Variants in HHLA2 observed in about 807,000 individuals in gnomAD.
HHLA2 encodes the protein HERV-H LTR-associating protein 2.
HHLA2 carries 48 observed loss-of-function variants against 45.9 expected under a neutral mutation model. The ratio of observed to expected loss-of-function variants is 1.05; its 90% CI spans 0.83 to 1.33. The LOEUF is 1.33. Ranked by LOEUF, HHLA2 falls within the 40% of genes most tolerant of loss-of-function variation. The pLI is 0.00. For synonymous variants in HHLA2, 161 were observed against 173.9 expected (o/e 0.93, Z 0.59); for missense variants, 462 against 494.3 (o/e 0.93, Z 0.62).
intron 8 of HHLA2, among the ~76,000 whole-genome samples, chr3:108,365,501 A>G (rs2082049274): frequency 6.6e-6 from 1 of 152,194 alleles, no homozygotes; most frequent in Non-Finnish European, 1.5e-5. Context: ...TTCCATATGA[A>G]ATTTAAAGTA....
chr3:108,372,496 T>C (rs957652166), intron 8 of HHLA2, among the ~76,000 whole-genome samples: 5 of 94,064 alleles, frequency 5.3e-5, no homozygotes, highest in African/African-American at 2.2e-4. Flanking sequence ...CTGAAGGAAA[T>C]AGAGACACAA....
intron 2 of HHLA2, among the ~76,000 whole-genome samples, chr3:108,313,259 T>C (rs1249733082): frequency 6.6e-6 from 1 of 152,184 alleles, no homozygotes; most frequent in East Asian, 1.9e-4. Flanking sequence ...AAAAGGCTGG[T>C]GTGGGTAGTC....
Position 108,358,308 on chromosome 3 carries a change from C to T in HHLA2, c.1003+147C>T, listed in dbSNP as rs146709350. On this transcript the variant is annotated intron_variant, in intron 7 of 10. Coordinates refer to ENST00000619531, the Ensembl canonical transcript of HHLA2. ...ACAGGGATATTTCTGGTCAGGATGT[C>T]GATTACCCTCCCTCCTTCAACCACA... The T allele has an allele frequency of 3.2e-3, 1,897 of 588,760 alleles. 25 individuals are homozygous for T. Among genetic ancestry groups the T allele is most frequent in the African/African-American group, 0.031 (1,683 of 53,594 alleles). 36.5% of individuals were successfully genotyped at this position (588,760 alleles called of 1,614,324 possible).
chr3:108,367,707 T>C (rs1227578528), intron 8 of HHLA2, among the ~76,000 whole-genome samples: 1 of 152,006 alleles, frequency 6.6e-6, no homozygotes. Flanking sequence ...TGGTACTATG[T>C]GAAAAGACCA....
chr3:108,328,233 A>C, intron 2 of HHLA2: 1 of 1,000,246 alleles, frequency 1.0e-6, no homozygotes, highest in Non-Finnish European at 1.4e-6. Flanking sequence ...GGGCATTGAT[A>C]CTCTGGAATC....
chr3:108,331,532 TG>T (rs2081385381), intron 3 of HHLA2, among the ~76,000 whole-genome samples: 1 of 152,162 alleles, frequency 6.6e-6, no homozygotes, highest in Admixed American at 6.5e-5. Context: ...TATAATCACA[TG>T]CCCTTCTCAC....
At chr3:108,339,673 A>G (rs1431089303) in intron 3 of HHLA2, among the ~76,000 whole-genome samples, 1 of 152,078 alleles carries the variant, frequency 6.6e-6, no homozygotes, top group Non-Finnish European at 1.5e-5. Context: ...AAAATTATTG[A>G]TTTTTCTTTT....
chr3:108,370,577 G>GA (rs950966364), intron 8 of HHLA2, among the ~76,000 whole-genome samples: 6 of 151,932 alleles, frequency 3.9e-5, no homozygotes, highest in Non-Finnish European at 7.4e-5. Context: ...TAAAAACCTT[G>GA]AAAAAAAATT....
At chr3:108,300,881 C>A (rs2080837199) in intron 1 of HHLA2, among the ~76,000 whole-genome samples, 1 of 152,068 alleles carries the variant, frequency 6.6e-6, no homozygotes, top group South Asian at 2.1e-4. Context: ...TCTAAATGTT[C>A]TTTAATCTGG....
intron 3 of HHLA2, among the ~76,000 whole-genome samples, chr3:108,328,727 A>G (rs1023613511): frequency 6.6e-6 from 1 of 152,068 alleles, no homozygotes; most frequent in Non-Finnish European, 1.5e-5. Context: ...TAAATTTTAA[A>G]CTGCATTATC....
intron 1 of HHLA2, among the ~76,000 whole-genome samples, chr3:108,305,612 A>G (rs1000295337): frequency 6.6e-6 from 1 of 152,082 alleles, no homozygotes; most frequent in Non-Finnish European, 1.5e-5. Flanking sequence ...ATTCCATTCC[A>G]GAAGTATCAG....
intron 7 of HHLA2, among the ~76,000 whole-genome samples, 183 bp from the exon 7 acceptor site, chr3:108,362,159 T>C (rs2081992762): frequency 6.6e-6 from 1 of 152,150 alleles, no homozygotes; most frequent in African/African-American, 2.4e-5. Flanking sequence ...GGCTCTTGGC[T>C]TTATCCTAAA....
At chr3:108,364,740 T>C (rs1406470225) in intron 8 of HHLA2, among the ~76,000 whole-genome samples, 1 of 152,260 alleles carries the variant, frequency 6.6e-6, no homozygotes, top group East Asian at 1.9e-4. Context: ...ATTTCTCTAA[T>C]GACCAGTGAT....
intron 8 of HHLA2, among the ~76,000 whole-genome samples, chr3:108,366,448 T>C (rs996253492): frequency 2.0e-5 from 3 of 152,222 alleles, no homozygotes; most frequent in African/African-American, 7.2e-5. Context: ...TCATTTTTTA[T>C]TGTATCTCTG....
At chr3:108,311,621 A>G (rs1263464942) in intron 2 of HHLA2, among the ~76,000 whole-genome samples, 1 of 152,170 alleles carries the variant, frequency 6.6e-6, no homozygotes, top group Non-Finnish European at 1.5e-5. Context: ...TGGGCACAAG[A>G]AAGGAGTGTA....
intron 3 of HHLA2, among the ~76,000 whole-genome samples, chr3:108,349,386 A>C (rs910732115): frequency 6.6e-6 from 1 of 152,218 alleles, no homozygotes; most frequent in African/African-American, 2.4e-5. Context: ...ATAAACTAGA[A>C]AATCTAGAAG....
chr3:108,358,187 T>C lies in HHLA2; in HGVS notation c.1003+26T>C, dbSNP rs114529374. 1.8e-3 allele frequency: 2,742 copies of C among 1,545,714 alleles called. 32 individuals carry two copies. In the African/African-American group the frequency reaches 0.032, roughly 18 times the overall value. ...GTAAGTTGCAAGTAGGTTTGGATAATGGGTTTTGGCTGTAGCATTAGAGGT... is the reference window on the plus strand; with the variant it reads ...GTAAGTTGCAAGTAGGTTTGGATAACGGGTTTTGGCTGTAGCATTAGAGGT... On this transcript the variant is annotated intron_variant, in intron 7 of 10. Coordinates refer to ENST00000619531, the Ensembl canonical transcript of HHLA2.
intron 2 of HHLA2, among the ~76,000 whole-genome samples, chr3:108,322,113 C>T (rs1479828263): frequency 6.6e-6 from 1 of 152,158 alleles, no homozygotes; most frequent in Non-Finnish European, 1.5e-5. Context: ...TGACAGCTTT[C>T]CTCAGGGTAT....
rs533239084 is a variant in HHLA2 at position 108,344,195 on chromosome 3, T to TA, written c.-26-7593_-26-7592insA. 1.3e-4 allele frequency among the ~76,000 whole-genome samples: 19 copies of TA among 150,572 alleles called. No individual in the cohort carries two copies. In the South Asian group the frequency reaches 4.0e-3, roughly 32 times the overall value. On this transcript the variant is annotated intron_variant, in intron 3 of 10. Coordinates refer to ENST00000619531, the Ensembl canonical transcript of HHLA2. ...CCTGAGTATGGTGCCACTGTTTGAT[T>TA]TTTTTTTTCCTGTATCCATAGAACA...
Sources: gnomAD v4.1 joint callset for allele counts (sites outside exome capture counted in the v4.1 genomes callset) on GRCh38, gnomAD v4.1.1 for gene constraint, MANE v1.5 for transcripts, NCBI Gene and HGNC (gene_info 2026-07-23, HGNC 2026-07-21) for gene names.